The following DNMT3A variants were observed in gnomAD, a reference collection of about 807,000 sequenced individuals.
DNMT3A encodes the protein DNA (cytosine-5)-methyltransferase 3A.
DNMT3A carries 267 observed loss-of-function variants against 117.6 expected under a neutral mutation model. The ratio of observed to expected loss-of-function variants is 2.27; its 90% CI spans 2.05 to 2.51. DNMT3A has a LOEUF of 2.51. DNMT3A is among the 30% of genes most tolerant of loss of function. DNMT3A has a pLI of 0.00. For missense variants in DNMT3A, 1,029 were observed against 1,260.2 expected (o/e 0.82, Z 2.78); for synonymous variants, 432 against 474.8 (o/e 0.91, Z 1.17).
At chr2:25,315,533 G>T (rs886269655) in intron 1 of DNMT3A, among the ~76,000 whole-genome samples, 1 of 152,230 alleles carries the variant, frequency 6.6e-6, no homozygotes, top group Non-Finnish European at 1.5e-5. Context: ...TTGCTGCCCG[G>T]GTCCCGAGAG....
chr2:25,241,662 ATGT>A lies in DNMT3A; in HGVS notation c.1979_1981del (p.Tyr660_Ile661delinsPhe). On this transcript the variant is annotated inframe_deletion, in exon 17 of 23. Transcript: ENST00000321117. ...GGAGTCCTCACACACCTCCGAGGCA[ATGT>A]AGCGGTCCACCTGAATGCCCAAGTC... 6.2e-7 allele frequency: 1 copy of A among 1,614,046 alleles called. No individual in the cohort carries two copies. Among genetic ancestry groups the A allele is most frequent in the Non-Finnish European group, 8.5e-7 (1 of 1,179,970 alleles).
chr2:25,259,722 C>T (rs1015296299), intron 6 of DNMT3A, among the ~76,000 whole-genome samples: 2 of 151,600 alleles, frequency 1.3e-5, no homozygotes, highest in East Asian at 2.0e-4. Context: ...CCCCACCCTT[C>T]CCCCACCCCT....
intron 1 of DNMT3A, among the ~76,000 whole-genome samples, chr2:25,326,536 C>A (rs2034794998): frequency 2.6e-5 from 4 of 152,202 alleles, no homozygotes; most frequent in Admixed American, 2.6e-4. Context: ...CCTTTAACTA[C>A]TTTTCCTTTG....
intron 21 of DNMT3A, 98 bp from the exon 22 acceptor site, chr2:25,235,923 G>A: frequency 8.8e-7 from 1 of 1,139,646 alleles, no homozygotes; most frequent in South Asian, 1.2e-5. Flanking sequence ...GCCAAACCCT[G>A]ACAGGGCCTG....
intron 13 of DNMT3A, 73 bp from the exon 14 acceptor site, chr2:25,244,725 C>T (rs551872312): frequency 1.1e-5 from 14 of 1,280,128 alleles, no homozygotes; most frequent in Non-Finnish European, 1.6e-5. Flanking sequence ...GGAGGCTCCA[C>T]ACCTGGCCTC....
At chr2:25,240,794 A>G (rs1673937580) in intron 17 of DNMT3A, 64 bp from the exon 18 acceptor site, 1 of 1,525,666 alleles carries the variant, frequency 6.6e-7, no homozygotes, top group Admixed American at 1.7e-5. Flanking sequence ...AGGAAGAAAG[A>G]GAAATTATCT....
rs1674743899 is a variant in DNMT3A, at chr2:25,246,218, G to A, written c.1371C>T (p.Pro457=). The A allele has an allele frequency of 6.2e-7, 1 of 1,614,020 alleles. No homozygotes were observed. The highest frequency in any genetic ancestry group is 1.7e-5 in the Admixed American group (1 of 60,004). The change falls in exon 11 of 23, where the codon CCC becomes CCT. Residue 457 remains proline, a synonymous_variant. Coordinates refer to ENST00000321117, the MANE Select transcript of DNMT3A (RefSeq NM_022552.5). ...AYAPPPPAKK[P]RKSTAEKPKV... is the part of the protein sequence containing the mutation. ...TGGGCTTCTCCGCTGTGCTCTTCCG[G>A]GGCTTTTTGGCTGGTGGAGGTGGTG...
chr2:25,238,103 G>A (rs1486978077), intron 20 of DNMT3A, among the ~76,000 whole-genome samples: 2 of 152,324 alleles, frequency 1.3e-5, no homozygotes, highest in African/African-American at 4.8e-5. Flanking sequence ...AGAAGCAGGC[G>A]AGAAATCCCA....
chr2:25,323,433 C>G (rs187437658), intron 1 of DNMT3A, among the ~76,000 whole-genome samples: 302 of 152,296 alleles, frequency 2.0e-3, no homozygotes, highest in African/African-American at 6.9e-3. Context: ...TCTCAGTCCC[C>G]TCCAGGGCTC....
Position 25,244,269 on chromosome 2 carries a change from G to GT in DNMT3A, c.1736dup (p.Asp579GlufsTer33). 6.2e-7 allele frequency: 1 copy of GT among 1,613,802 alleles called. No individual in the cohort carries two copies. The highest frequency in any genetic ancestry group is 8.5e-7 in the Non-Finnish European group (1 of 1,179,926). On this transcript the variant is annotated frameshift_variant, in exon 15 of 23. Coordinates refer to ENST00000321117, the MANE Select transcript of DNMT3A (RefSeq NM_022552.5). LOFTEE classifies it high-confidence loss of function. ...GCCCGCACATGTAGCAGTTCCAGGG[G>GT]TCTTCCTTAATGGCTGCCTGGGCAG... is the stretch of plus-strand genomic sequence containing the variant.
Position 25,234,359 on chromosome 2 carries a change from T to A in DNMT3A, c.2659A>T (p.Arg887Ter), listed in dbSNP as rs755252969. Reference protein sequence around the residue: ...VSNMSRLARQRLLGRSWSVPV... With the variant: ...VSNMSRLARQ ...ACGCTCCATGACCGGCCCAGCAGTC[T>A]CTGCCTCGCCAAGCGGCTCATGTTG... Residue 887 changes from arginine (R) to a stop codon, truncating the protein, a stop_gained, in exon 23 of 23, where the codon AGA becomes TGA. Transcript: ENST00000321117. LOFTEE classifies it high-confidence loss of function. The surrounding 1 kb of genome is among the most constrained non-coding windows in gnomAD (Gnocchi z 4.5). 2 of 1,614,032 alleles carry A rather than the reference T, an allele frequency of 1.2e-6. No homozygotes were observed. Among genetic ancestry groups the A allele is most frequent in the African/African-American group, 1.3e-5 (1 of 74,936 alleles).
At position 25,247,137 on chromosome 2, in the gene DNMT3A, G is replaced by GC; in HGVS notation, c.1035dup (p.Pro346AlafsTer47). 2 of 1,614,010 alleles carry GC rather than the reference G, an allele frequency of 1.2e-6. No individual in the cohort carries two copies. Among genetic ancestry groups the GC allele is most frequent in the Non-Finnish European group, 1.7e-6 (2 of 1,179,960 alleles). ...AACGCACTGCAAAACGAGCTCAGCGGCATCAGCTTCTCAACACACACCTGG... is the reference window on the plus strand; with the variant it reads ...AACGCACTGCAAAACGAGCTCAGCGGCCATCAGCTTCTCAACACACACCTGG... On this transcript the variant is annotated frameshift_variant, in exon 9 of 23. Coordinates refer to ENST00000321117, the MANE Select transcript of DNMT3A (RefSeq NM_022552.5). LOFTEE classifies it high-confidence loss of function. The surrounding 1 kb of genome is among the most constrained non-coding windows in gnomAD (Gnocchi z 5.6).
At chr2:25,338,665 C>T (rs965123491) in intron 1 of DNMT3A, among the ~76,000 whole-genome samples, 4 of 152,190 alleles carry the variant, frequency 2.6e-5, no homozygotes, top group Non-Finnish European at 5.9e-5. Flanking sequence ...CCCCTGTTTC[C>T]TGGAGATCAC....
chr2:25,312,054 T>C (rs1322228434), intron 2 of DNMT3A, among the ~76,000 whole-genome samples: 1 of 152,140 alleles, frequency 6.6e-6, no homozygotes, highest in African/African-American at 2.4e-5. Flanking sequence ...GGGGAGCAGC[T>C]GACCAGTGAC....
At chr2:25,313,798 G>A (rs976692221) in intron 2 of DNMT3A, 115 bp downstream of exon 2, 218 of 1,477,006 alleles carry the variant, frequency 1.5e-4, no homozygotes, top group Non-Finnish European at 1.9e-4. Context: ...ACACCCTGTC[G>A]TGAGCACTGA....
chr2:25,252,434 G>T lies in DNMT3A; in HGVS notation c.640-4182C>A. On this transcript the variant is annotated intron_variant, in intron 6 of 22. Transcript: ENST00000321117. The surrounding 1 kb of genome is among the most constrained non-coding windows in gnomAD (Gnocchi z 5.5). ...GGTTGGCTGCGAGCGGCCCGGGGAG[G>T]GGGCCGGCGCTCCGACGCTGGCGCT... 1 of 428,758 alleles carries T rather than the reference G, an allele frequency of 2.3e-6. No individual in the cohort carries two copies. The highest frequency in any genetic ancestry group is 4.1e-6 in the Non-Finnish European group (1 of 244,292). 26.6% of individuals were successfully genotyped at this position (428,758 alleles called of 1,614,324 possible).
chr2:25,259,857 G>A lies in DNMT3A; in HGVS notation c.640-11605C>T, dbSNP rs1358576786. Among the ~76,000 whole-genome samples the A allele has an allele frequency of 2.6e-5, 4 of 152,210 alleles. No homozygotes were observed. In the East Asian group the frequency reaches 7.7e-4, roughly 29 times the overall value. ...CAGAGGAGCCCAGCAGACAGGCACTGCGGTAACTATTGCTGAAAACAGCAG... is the reference window on the plus strand; with the variant it reads ...CAGAGGAGCCCAGCAGACAGGCACTACGGTAACTATTGCTGAAAACAGCAG... On this transcript the variant is annotated intron_variant, in intron 6 of 22. Transcript: ENST00000321117.
At chr2:25,323,589 T>A (rs1379895895) in intron 1 of DNMT3A, among the ~76,000 whole-genome samples, 1 of 152,182 alleles carries the variant, frequency 6.6e-6, no homozygotes, top group East Asian at 1.9e-4. Flanking sequence ...AAAATTAAAA[T>A]GGAATGCCCT....
chr2:25,244,421 G>C, intron 14 of DNMT3A, 83 bp from the exon 15 acceptor site: 1 of 1,563,528 alleles, frequency 6.4e-7, no homozygotes, highest in Non-Finnish European at 8.7e-7. Flanking sequence ...TGGAAAGACC[G>C]GGTCTGGAGC....
Sources: allele counts gnomAD v4.1 joint callset (sites outside exome capture counted in the v4.1 genomes callset), GRCh38; gene constraint gnomAD v4.1.1; non-coding constraint Gnocchi (gnomAD v3.1); transcripts MANE v1.5; gene names NCBI Gene and HGNC (gene_info 2026-07-23, HGNC 2026-07-21).